The following AUTS2 variants were observed in gnomAD, a reference collection of about 807,000 sequenced individuals.
The protein encoded by AUTS2 is autism susceptibility gene 2 protein.
AUTS2 carries 17 observed loss-of-function variants against 112.4 expected under a neutral mutation model. The observed-to-expected ratio is 0.15, with a 90% CI of 0.10 to 0.23. The LOEUF is 0.23. Among genes scored for constraint, AUTS2 ranks in the 10% least tolerant of loss-of-function variants. AUTS2 has a pLI of 1.00. For synonymous variants in AUTS2, 751 were observed against 702.7 expected, an observed-to-expected ratio of 1.07 and a Z score of -1.09; for missense variants, 1,510 against 1,701.6, an observed-to-expected ratio of 0.89 and a Z score of 1.98.
intron 4 of AUTS2, among the ~76,000 whole-genome samples, chr7:70,192,434 C>G (rs941033268): frequency 6.6e-6 from 1 of 152,138 alleles, no homozygotes. Flanking sequence ...TACGGTTTTC[C>G]TTTTAAGTCA....
intron 4 of AUTS2, among the ~76,000 whole-genome samples, chr7:70,303,186 G>T (rs946885621): frequency 1.3e-5 from 2 of 152,068 alleles, no homozygotes; most frequent in Admixed American, 6.5e-5. Context: ...CATATGCTCT[G>T]TTGCGCAGGA....
chr7:70,147,905 T>C (rs898723309), intron 4 of AUTS2, among the ~76,000 whole-genome samples: 3 of 151,778 alleles, frequency 2.0e-5, no homozygotes, highest in African/African-American at 7.3e-5. Flanking sequence ...ACCTGTAAAT[T>C]TGGGTGAATT....
intron 1 of AUTS2, among the ~76,000 whole-genome samples, chr7:69,664,376 G>A (rs1795935493): frequency 6.6e-6 from 1 of 152,194 alleles, no homozygotes; most frequent in South Asian, 2.1e-4. Context: ...GGAAAAAAAT[G>A]AGTTTTGCCT....
At chr7:69,606,990 A>G (rs375968804) in intron 1 of AUTS2, among the ~76,000 whole-genome samples, 1 of 152,212 alleles carries the variant, frequency 6.6e-6, no homozygotes, top group African/African-American at 2.4e-5. Flanking sequence ...GATAGTTTCT[A>G]TTATAGCTTT....
intron 4 of AUTS2, among the ~76,000 whole-genome samples, chr7:70,193,947 T>G (rs1344818131): frequency 2.6e-5 from 4 of 152,258 alleles, no homozygotes; most frequent in Non-Finnish European, 5.9e-5. Context: ...TGAATTCAGT[T>G]AGTTCTAGGC....
At chr7:70,239,126 A>G (rs1160435758) in intron 4 of AUTS2, among the ~76,000 whole-genome samples, 2 of 152,080 alleles carry the variant, frequency 1.3e-5, no homozygotes, top group Non-Finnish European at 2.9e-5. Flanking sequence ...TTATCCCTAA[A>G]CAATCAGAGC....
chr7:70,019,024 A>G (rs1437591521), intron 2 of AUTS2, among the ~76,000 whole-genome samples: 2 of 152,220 alleles, frequency 1.3e-5, no homozygotes, highest in East Asian at 1.9e-4. Context: ...ATGCCCATCA[A>G]TGGTAGACTG....
At chr7:70,408,136 G>T (rs1452314959) in intron 4 of AUTS2, among the ~76,000 whole-genome samples, 1 of 150,506 alleles carries the variant, frequency 6.6e-6, no homozygotes, top group African/African-American at 2.4e-5. Flanking sequence ...AATTGTAATC[G>T]CACCACTGCA....
intron 4 of AUTS2, among the ~76,000 whole-genome samples, chr7:70,260,323 G>A (rs569384523): frequency 2.6e-5 from 4 of 152,086 alleles, no homozygotes; most frequent in South Asian, 2.1e-4. Context: ...CTGAGATCAC[G>A]CCACTGTACT....
intron 2 of AUTS2, among the ~76,000 whole-genome samples, chr7:69,990,901 G>A (rs73432160): frequency 0.01 from 1,540 of 152,280 alleles, 37 homozygotes; most frequent in African/African-American, 0.035. Flanking sequence ...GAGCATTTTG[G>A]ATTTTCGATT....
At chr7:69,856,255 C>G (rs1453920789) in intron 1 of AUTS2, among the ~76,000 whole-genome samples, 1 of 152,060 alleles carries the variant, frequency 6.6e-6, no homozygotes, top group East Asian at 1.9e-4. Context: ...AACAGAGGCT[C>G]AGTCTTGGGA....
At chr7:70,197,431 C>T (rs900291931) in intron 4 of AUTS2, among the ~76,000 whole-genome samples, 9 of 147,728 alleles carry the variant, frequency 6.1e-5, no homozygotes, top group East Asian at 2.0e-4. Flanking sequence ...TCTGAGGTAC[C>T]GGGTTCATCT....
intron 1 of AUTS2, among the ~76,000 whole-genome samples, chr7:69,660,866 G>A (rs1422568722): frequency 2.0e-5 from 3 of 152,188 alleles, no homozygotes; most frequent in South Asian, 2.1e-4. Flanking sequence ...CCCGGGAGGC[G>A]GAGCTTGCGG....
chr7:70,327,163 C>G (rs1328770129), intron 4 of AUTS2, among the ~76,000 whole-genome samples: 1 of 152,046 alleles, frequency 6.6e-6, no homozygotes, highest in Non-Finnish European at 1.5e-5. Context: ...GGTGATCTGC[C>G]CGCCTTGGCA....
At chr7:70,545,355 C>T (rs1202997694) in intron 5 of AUTS2, among the ~76,000 whole-genome samples, 1 of 152,214 alleles carries the variant, frequency 6.6e-6, no homozygotes, top group Non-Finnish European at 1.5e-5. Flanking sequence ...GGTTCCATCT[C>T]TTCGGAGAGA....
intron 4 of AUTS2, among the ~76,000 whole-genome samples, chr7:70,195,166 A>G (rs969643195): frequency 1.3e-5 from 2 of 152,222 alleles, no homozygotes; most frequent in African/African-American, 2.4e-5. Flanking sequence ...AAATTATTGA[A>G]TAGGAAAGCT....
At chr7:70,727,405 A>T (rs372239016) in intron 6 of AUTS2, among the ~76,000 whole-genome samples, 1 of 152,120 alleles carries the variant, frequency 6.6e-6, no homozygotes, top group Non-Finnish European at 1.5e-5. Context: ...GCTGGAGTGC[A>T]ATGGTGCAGT....
rs1376939868 is a variant in AUTS2, at chr7:70,424,380, T to A, written c.661-11372T>A. Reference sequence around the variant, plus strand: ...ATCAGGAAAATATTTTGAAGTAGTTTCTTTGTATAGCCTGAGAGAGAGAGT... The same window carrying A: ...ATCAGGAAAATATTTTGAAGTAGTTACTTTGTATAGCCTGAGAGAGAGAGT... On this transcript the variant is annotated intron_variant, in intron 4 of 18. Transcript: ENST00000342771. Among the ~76,000 whole-genome samples the A allele has an allele frequency of 3.3e-5, 5 of 152,298 alleles. No homozygotes were observed. The East Asian group carries it at 9.7e-4, about 29-fold the overall frequency.
At chr7:69,692,292 T>C (rs1168673115) in intron 1 of AUTS2, among the ~76,000 whole-genome samples, 1 of 152,240 alleles carries the variant, frequency 6.6e-6, no homozygotes, top group Non-Finnish European at 1.5e-5. Context: ...GGTGGTCCTT[T>C]GAAATGAGGA....
Sources: allele counts gnomAD v4.1 joint callset (sites outside exome capture counted in the v4.1 genomes callset), GRCh38; gene constraint gnomAD v4.1.1; transcripts MANE v1.5; gene names NCBI Gene and HGNC (gene_info 2026-07-23, HGNC 2026-07-21).